PWWP3A: variants seen among roughly 807,000 people sequenced by gnomAD.
PWWP3A encodes PWWP domain containing 3A, DNA repair factor, also known as PWWP domain-containing DNA repair factor 3A.
Under a neutral mutation model 79.0 loss-of-function variants are expected in PWWP3A, and 53 were observed. That is an observed-to-expected ratio of 0.67 (90% CI 0.54 to 0.84). PWWP3A has a LOEUF of 0.84. Ranked by LOEUF, PWWP3A falls within the 40% of genes least tolerant of loss-of-function variation. The pLI, the probability that PWWP3A is intolerant of heterozygous loss-of-function variation, is 0.00. For missense variants in PWWP3A, 973 were observed against 948.0 expected (o/e 1.03, Z -0.35); for synonymous variants, 443 against 394.4 (o/e 1.12, Z -1.46).
At chr19:1,376,314 T>TTG (rs1555773658) in intron 13 of PWWP3A, among the ~76,000 whole-genome samples, 2 of 131,230 alleles carry the variant, frequency 1.5e-5, no homozygotes, top group Non-Finnish European at 3.3e-5. Context: ...TTTGTTTGTT[T>TTG]TTTTTTTTTT....
At position 1,357,399 on chromosome 19, in the gene PWWP3A, C is replaced by CTTTT. The variant is rs66856576; in HGVS notation, c.143+320_143+323dup. ...TTTGTGGTTAAAATAGGGATATTTC[C>CTTTT]TTTTTTTTTTTTTTTTTTGACTGTT... On this transcript the variant is annotated intron_variant, in intron 3 of 13. Transcript: ENST00000591337. The CTTTT allele has an allele frequency of 1.4e-3, 185 of 127,980 alleles. 3 individuals are homozygous for CTTTT. Among genetic ancestry groups the CTTTT allele is most frequent in the African/African-American group, 2.6e-3 (87 of 33,586 alleles). 7.9% of individuals were successfully genotyped at this position (127,980 alleles called of 1,614,324 possible). A position where few individuals can be genotyped will look rare whatever the true frequency, so the allele number is the denominator to read the frequency against.
chr19:1,362,260 T>G lies in PWWP3A; in HGVS notation c.1122T>G (p.Ser374=). ...DSQKLEKECQ[S]SEESMGSNSM... ...TCACATTATTGGCAGAGTGCCAGTC[T>G]TCCGAAGAGTCCATGGGGTCTAATT... The change falls in exon 6 of 14, where the codon TCT becomes TCG. Residue 374 remains serine, a synonymous_variant. Transcript: ENST00000591337. 1 of 1,612,246 alleles carries G rather than the reference T, an allele frequency of 6.2e-7. No individual in the cohort carries two copies. The highest frequency in any genetic ancestry group is 8.5e-7 in the Non-Finnish European group (1 of 1,179,328).
chr19:1,355,663 C>A (rs2081841456), intron 1 of PWWP3A, among the ~76,000 whole-genome samples: 1 of 149,718 alleles, frequency 6.7e-6, no homozygotes. Context: ...CTTGTCCCTG[C>A]TGCCTGGACC....
At chr19:1,362,555 G>A (rs899909391) in intron 6 of PWWP3A, among the ~76,000 whole-genome samples, 1 of 152,216 alleles carries the variant, frequency 6.6e-6, no homozygotes, top group Non-Finnish European at 1.5e-5. Context: ...ACAAAGGGAC[G>A]AGAGACTCCT....
intron 13 of PWWP3A, among the ~76,000 whole-genome samples, chr19:1,375,719 AGTAT>A (rs1376857659): frequency 1.4e-5 from 2 of 142,110 alleles, no homozygotes; most frequent in East Asian, 4.0e-4. Context: ...ATATATATAA[AGTAT>A]GTATACTTTA....
Position 1,369,736 on chromosome 19 carries a change from C to A in PWWP3A, c.1549+90C>A, listed in dbSNP as rs773298191. On this transcript the variant is annotated intron_variant, in intron 11 of 13. Coordinates refer to ENST00000591337, the MANE Select transcript of PWWP3A (RefSeq NM_001369789.1). The surrounding 1 kb of genome is among the most constrained non-coding windows in gnomAD (Gnocchi z 4.0). ...CTATGTCTGAAGCTGTGGAAGGGGACGTTGGGGTCAAGGCACTGTCCGCAG... is the reference window on the plus strand; with the variant it reads ...CTATGTCTGAAGCTGTGGAAGGGGAAGTTGGGGTCAAGGCACTGTCCGCAG... 1.0e-4 allele frequency: 144 copies of A among 1,425,034 alleles called. 1 individual carries two copies. In the Middle Eastern group the frequency reaches 1.0e-3, roughly 10 times the overall value. 88.3% of individuals were successfully genotyped at this position (1,425,034 alleles called of 1,614,324 possible).
chr19:1,367,148 C>T lies in PWWP3A; in HGVS notation c.1362-12C>T, dbSNP rs766442486. On this transcript the variant is annotated splice_polypyrimidine_tract_variant and intron_variant, in intron 8 of 13. Coordinates refer to ENST00000591337, the MANE Select transcript of PWWP3A (RefSeq NM_001369789.1). ...TTCATTCATGTTAACTTTTCCCTCTCTCTGCTTCAAGTTTCACAGTGTCTC... is the reference window on the plus strand; with the variant it reads ...TTCATTCATGTTAACTTTTCCCTCTTTCTGCTTCAAGTTTCACAGTGTCTC... The T allele has an allele frequency of 3.6e-5, 58 of 1,608,860 alleles. No homozygotes were observed. The highest frequency in any genetic ancestry group is 4.8e-5 in the Non-Finnish European group (57 of 1,176,820).
chr19:1,375,550 T>TATTATATATAAA (rs2082356982), intron 13 of PWWP3A, among the ~76,000 whole-genome samples: 2 of 2,392 alleles, frequency 8.4e-4, no homozygotes, highest in South Asian at 0.05. Context: ...ATATATAAAA[T>TATTATATATAAA]ATATATTATA....
intron 5 of PWWP3A, 25 bp downstream of exon 5, chr19:1,361,057 G>A: frequency 7.0e-7 from 1 of 1,422,020 alleles, no homozygotes; most frequent in Non-Finnish European, 9.2e-7. Context: ...TGGAGGAGGA[G>A]AGCGCAGAGG....
chr19:1,375,180 G>A (rs2082338591), intron 13 of PWWP3A, among the ~76,000 whole-genome samples: 1 of 148,922 alleles, frequency 6.7e-6, no homozygotes, highest in African/African-American at 2.5e-5. Context: ...CTGAGATTGT[G>A]CTACTGCATT....
In PWWP3A at chr19:1,368,899, GTGCC is replaced by G. The variant is rs1272648266; in HGVS notation, c.1423-365_1423-362del. ...ACCAGCCCAAGCCATCGGGTCCCCGGTGCCCACCTGCGTTCAGACCAGCCCAAGC... is the reference window on the plus strand; with the variant it reads ...ACCAGCCCAAGCCATCGGGTCCCCGGCACCTGCGTTCAGACCAGCCCAAGC... On this transcript the variant is annotated intron_variant, in intron 9 of 13. Coordinates refer to ENST00000591337, the MANE Select transcript of PWWP3A (RefSeq NM_001369789.1). The surrounding 1 kb of genome is among the most constrained non-coding windows in gnomAD (Gnocchi z 4.7). Among the ~76,000 whole-genome samples, 1 of 146,416 alleles carries G rather than the reference GTGCC, an allele frequency of 6.8e-6. No homozygotes were observed. Among genetic ancestry groups the G allele is most frequent in the Non-Finnish European group, 1.5e-5 (1 of 66,826 alleles).
intron 13 of PWWP3A, among the ~76,000 whole-genome samples, chr19:1,375,537 T>TCTATATAAAATATA (rs1162661703): frequency 1.0e-5 from 1 of 96,216 alleles, no homozygotes; most frequent in African/African-American, 4.8e-5. Context: ...ATTTATATAT[T>TCTATATAAAATATA]TTATATATAA....
rs1191940103 is a variant in PWWP3A, at chr19:1,378,396, G to A, written c.*1820G>A. 6.6e-6 allele frequency: 1 copy of A among 152,282 alleles called. No homozygotes were observed. The highest frequency in any genetic ancestry group is 1.9e-4 in the East Asian group (1 of 5,200). The allele number at this position is 152,282 out of a possible 1,614,324, so 9.4% of individuals were successfully genotyped here. On this transcript the variant is annotated 3_prime_UTR_variant, in exon 14 of 14. Coordinates refer to ENST00000591337, the MANE Select transcript of PWWP3A (RefSeq NM_001369789.1). ...TTTGCTTCTCTGCTGACCTTGCCAA[G>A]TTGTTCGAGGTGGAATTAAACACCT...
In PWWP3A at chr19:1,358,282, A is replaced by G. The variant is rs868611689; in HGVS notation, c.144-112A>G. The G allele has an allele frequency of 2.4e-5, 24 of 1,005,522 alleles. No homozygotes were observed. In the African/African-American group the frequency reaches 3.6e-4, roughly 15 times the overall value. 62.3% of individuals were successfully genotyped at this position (1,005,522 alleles called of 1,614,324 possible). A position where few individuals can be genotyped will look rare whatever the true frequency, so the allele number is the denominator to read the frequency against. On this transcript the variant is annotated intron_variant, in intron 3 of 13. Coordinates refer to ENST00000591337, the MANE Select transcript of PWWP3A (RefSeq NM_001369789.1). ...TGGCTGTGACTTTTGGTTTAAGTGG[A>G]AGGTTGAGGAGGAAAATGAAAATAA...
At chr19:1,359,945 G>T in intron 4 of PWWP3A, 191 bp from the exon 5 acceptor site, 1 of 535,018 alleles carries the variant, frequency 1.9e-6, no homozygotes, top group Non-Finnish European at 3.0e-6. Context: ...ATCCCGGAAT[G>T]AATAGCTGTC....
chr19:1,361,736 C>T (rs2082019098), intron 5 of PWWP3A, among the ~76,000 whole-genome samples: 1 of 151,932 alleles, frequency 6.6e-6, no homozygotes, highest in Non-Finnish European at 1.5e-5. Context: ...AGTGACCGCA[C>T]CCCTACCCTG....
intron 8 of PWWP3A, among the ~76,000 whole-genome samples, 172 bp from the exon 9 acceptor site, chr19:1,366,988 A>C (rs950535636): frequency 6.6e-6 from 1 of 152,180 alleles, no homozygotes; most frequent in Admixed American, 6.5e-5. Context: ...TGGACCCACC[A>C]TGGTGCATTG....
chr19:1,375,726 ATACTT>A (rs906411431), intron 13 of PWWP3A, among the ~76,000 whole-genome samples: 9 of 141,932 alleles, frequency 6.3e-5, no homozygotes, highest in Non-Finnish European at 9.0e-5. Flanking sequence ...TAAAGTATGT[ATACTT>A]TATATTATAT....
Position 1,367,438 on chromosome 19 carries a change from A to G in PWWP3A, c.1422+218A>G, listed in dbSNP as rs183381774. 6.6e-4 allele frequency among the ~76,000 whole-genome samples: 100 copies of G among 152,300 alleles called. 1 individual carries two copies. Among genetic ancestry groups the G allele is most frequent in the African/African-American group, 2.4e-3 (98 of 41,566 alleles). On this transcript the variant is annotated intron_variant, in intron 9 of 13. Coordinates refer to ENST00000591337, the MANE Select transcript of PWWP3A (RefSeq NM_001369789.1). ...AACTGTCCTGGGAAGTTGCGGCCCC[A>G]TTTCCCCGCTTTACGGGTAAGGAAG...
Sources: gnomAD v4.1 joint callset for allele counts (sites outside exome capture counted in the v4.1 genomes callset) on GRCh38, gnomAD v4.1.1 for gene constraint, Gnocchi (gnomAD v3.1) non-coding constraint, MANE v1.5 for transcripts, NCBI Gene and HGNC (gene_info 2026-07-23, HGNC 2026-07-21) for gene names.